Variants in FASTKD3 observed in about 807,000 individuals in gnomAD.
FASTKD3 encodes FAST kinase domains 3, also known as FAST kinase domain-containing protein 3, mitochondrial.
In FASTKD3, 47 loss-of-function variants were observed where a neutral mutation model predicts 49.7. That is an observed-to-expected ratio of 0.95 (90% CI 0.75 to 1.21). The LOEUF (loss-of-function observed/expected upper bound fraction) is 1.21, where lower values mean the gene tolerates loss of function less well. Ranked by LOEUF, FASTKD3 falls within the 50% of genes most tolerant of loss-of-function variation. The pLI is 0.00. For missense variants in FASTKD3, 748 were observed against 765.7 expected, an observed-to-expected ratio of 0.98 and a Z score of 0.27; for synonymous variants, 284 against 288.6, an observed-to-expected ratio of 0.98 and a Z score of 0.16.
chr5:7,866,579 T>G, intron 2 of FASTKD3, 67 bp downstream of exon 2: 1 of 1,207,370 alleles, frequency 8.3e-7, no homozygotes, highest in Non-Finnish European at 1.2e-6. Context: ...CCTTTATATG[T>G]GACTTGAAAC....
At position 7,867,295 on chromosome 5, in the gene FASTKD3, C is replaced by T. The variant is rs1220964614; in HGVS notation, c.789G>A (p.Leu263=). 2 of 1,613,700 alleles carry T rather than the reference C, an allele frequency of 1.2e-6. No individual in the cohort carries two copies. The highest frequency in any genetic ancestry group is 3.3e-5 in the Admixed American group (2 of 60,024). ...PEDIVALYRI[L]QACTEKVDEH... ...CATCCACTTTTTCAGTACATGCCTG[C>T]AAGATTCTATAAAGGGCCACAATAT... The change falls in exon 2 of 7, where the codon TTG becomes TTA. Residue 263 remains leucine (L), a synonymous_variant. Transcript: ENST00000264669.
chr5:7,861,889 G>T, intron 4 of FASTKD3: 1 of 675,874 alleles, frequency 1.5e-6, no homozygotes, highest in Non-Finnish European at 2.1e-6. Context: ...CACAGAATGG[G>T]TTCTGAAGTT....
intron 4 of FASTKD3, among the ~76,000 whole-genome samples, chr5:7,862,433 C>A (rs1269931937): frequency 6.6e-6 from 1 of 152,088 alleles, no homozygotes; most frequent in Non-Finnish European, 1.5e-5. Context: ...GCCACATGGT[C>A]TAGTGGCTAC....
intron 4 of FASTKD3, chr5:7,861,878 C>A: frequency 1.2e-6 from 1 of 827,798 alleles, no homozygotes; most frequent in Non-Finnish European, 1.7e-6. Flanking sequence ...TAACGCTAAA[C>A]CACAGAATGG....
At position 7,867,283 on chromosome 5, in the gene FASTKD3, A is replaced by G. The variant is rs1293947526; in HGVS notation, c.801T>C (p.Thr267=). The change falls in exon 2 of 7, where the codon ACT becomes ACC. Residue 267 remains threonine (T), a synonymous_variant. Coordinates refer to ENST00000264669, the MANE Select transcript of FASTKD3 (RefSeq NM_024091.4). Reference sequence around the variant, plus strand: ...ATGTTTGGTGTTCATCCACTTTTTCAGTACATGCCTGCAAGATTCTATAAA... The same window carrying G: ...ATGTTTGGTGTTCATCCACTTTTTCGGTACATGCCTGCAAGATTCTATAAA... ...VALYRILQAC[T]EKVDEHQTFL... is the part of the protein sequence containing the mutation. 2 of 1,613,642 alleles carry G rather than the reference A, an allele frequency of 1.2e-6. No homozygotes were observed. The highest frequency in any genetic ancestry group is 3.3e-5 in the Admixed American group (2 of 60,010).
Position 7,867,101 on chromosome 5 carries a change from T to C in FASTKD3, c.983A>G (p.His328Arg). The C allele has an allele frequency of 6.2e-7, 1 of 1,614,150 alleles. No individual in the cohort carries two copies. The highest frequency in any genetic ancestry group is 2.2e-5 in the East Asian group (1 of 44,888). Residue 328 changes from histidine to arginine, a missense_variant, in exon 2 of 7, where the codon CAT becomes CGT. Physicochemically the swap from His to Arg is conservative, Grantham distance 29. Around this residue, in one of 3 missense-constraint regions of FASTKD3, gnomAD observed 564 missense variants for 562.8 expected, o/e 1.00. Transcript: ENST00000264669. ...LGKYVVRHVP[H>R]FTNEELRRVL... is the part of the protein sequence containing the mutation. ...TCTCCTAAGCTCCTCGTTAGTGAAA[T>C]GTGGGACATGCCTCACGACATATTT...
At chr5:7,863,419 C>G (rs567987948) in intron 3 of FASTKD3, 1 of 161,058 alleles carries the variant, frequency 6.2e-6, no homozygotes, top group Non-Finnish European at 1.3e-5. Flanking sequence ...ATCCAAAATC[C>G]AAAATGCTCC....
intron 3 of FASTKD3, among the ~76,000 whole-genome samples, chr5:7,864,403 G>C (rs148686283): frequency 1.3e-5 from 2 of 151,924 alleles, no homozygotes; most frequent in Non-Finnish European, 2.9e-5. Flanking sequence ...TCTTGAGATA[G>C]GAACCTCGGA....
Position 7,867,023 on chromosome 5 carries a change from G to A in FASTKD3, c.1061C>T (p.Ala354Val). 1.2e-6 allele frequency: 2 copies of A among 1,614,150 alleles called. No homozygotes were observed. Among genetic ancestry groups the A allele is most frequent in the Non-Finnish European group, 1.7e-6 (2 of 1,180,032 alleles). The part of the protein sequence containing the change: ...FGHHDTFFTK[A>V]LEHRVAAVCL... Reference sequence around the variant, plus strand: ...CACCGCAGCTACACGATGCTCTAGGGCTTTTGTAAAAAATGTGTCATGGTG... The same window carrying A: ...CACCGCAGCTACACGATGCTCTAGGACTTTTGTAAAAAATGTGTCATGGTG... The change falls in exon 2 of 7, where the codon GCC becomes GTC. Residue 354 changes from alanine (A) to valine (V), a missense_variant. By Grantham distance (64) the Ala-to-Val change is moderately conservative. Transcript: ENST00000264669.
Position 7,868,143 on chromosome 5 carries a change from C to A in FASTKD3, c.-60G>T. 1.1e-6 allele frequency: 1 copy of A among 902,402 alleles called. No individual in the cohort carries two copies. Among genetic ancestry groups the A allele is most frequent in the Non-Finnish European group, 1.5e-6 (1 of 649,136 alleles). The allele number at this position is 902,402 out of a possible 1,614,324, so 55.9% of individuals were successfully genotyped here. ...AAATTTAAAAACACATGGTTAAATACATTGAGAACATGATTGACCCAACAT... is the reference window on the plus strand; with the variant it reads ...AAATTTAAAAACACATGGTTAAATAAATTGAGAACATGATTGACCCAACAT... On this transcript the variant is annotated 5_prime_UTR_variant, in exon 2 of 7. It removes an upstream start codon present in the reference 5' UTR. Coordinates refer to ENST00000264669, the MANE Select transcript of FASTKD3 (RefSeq NM_024091.4).
At position 7,862,866 on chromosome 5, in the gene FASTKD3, T is replaced by C. The variant is rs1233050520; in HGVS notation, c.1656A>G (p.Leu552=). Residue 552 remains leucine (L), a synonymous_variant, in exon 4 of 7, where the codon TTA becomes TTG. Transcript: ENST00000264669. The part of the protein sequence containing the change: ...IGLTNLLGAR[L]YFAPKVLTPY... ...GTGTCAACACTTTTGGAGCAAAATATAATCTTGCTCCTAAAAGGTTAGTCA... is the reference window on the plus strand; with the variant it reads ...GTGTCAACACTTTTGGAGCAAAATACAATCTTGCTCCTAAAAGGTTAGTCA... The C allele has an allele frequency of 3.1e-6, 5 of 1,613,916 alleles. No individual in the cohort carries two copies. The highest frequency in any genetic ancestry group is 4.2e-6 in the Non-Finnish European group (5 of 1,179,858).
chr5:7,868,395 T>C (rs1426312865), intron 1 of FASTKD3, among the ~76,000 whole-genome samples, 199 bp from the exon 2 acceptor site: 1 of 152,160 alleles, frequency 6.6e-6, no homozygotes, highest in Non-Finnish European at 1.5e-5. Context: ...AGGAAGAAGT[T>C]GAAGCACAAA....
chr5:7,863,763 A>C (rs879837306), intron 3 of FASTKD3, among the ~76,000 whole-genome samples: 3 of 152,224 alleles, frequency 2.0e-5, no homozygotes, highest in Non-Finnish European at 2.9e-5. Context: ...AATAAATTCC[A>C]GGTGTACAAC....
In FASTKD3 at chr5:7,868,008, T is replaced by G; in HGVS notation, c.76A>C (p.Lys26Gln). 6.2e-7 allele frequency: 1 copy of G among 1,614,060 alleles called. No homozygotes were observed. Residue 26 changes from lysine to glutamine, a missense_variant, in exon 2 of 7, where the codon AAA becomes CAA. Lys to Gln is a moderately conservative substitution (Grantham distance 53, BLOSUM62 1). This residue lies in a region of FASTKD3 where 564 missense variants were observed against 562.8 expected (regional missense o/e 1.00). Coordinates refer to ENST00000264669, the MANE Select transcript of FASTKD3 (RefSeq NM_024091.4). The part of the protein sequence containing the change: ...FQMHRALAAL[K>Q]NKPLNHVHKV... ...TGAACATGATTTAGAGGTTTATTTT[T>G]TAAAGCAGCCAGAGCTCTATGCATC... is the stretch of plus-strand genomic sequence containing the variant.
Position 7,867,386 on chromosome 5 carries a change from C to T in FASTKD3, c.698G>A (p.Cys233Tyr). ...ESLITLHSSG[C>Y]VTLELIINQL... ...ATTTATAATGAGTTCTAGTGTCACA[C>T]AACCTGAACTGTGCAGTGTAATCAG... is the stretch of plus-strand genomic sequence containing the variant. The change falls in exon 2 of 7, where the codon TGT becomes TAT. Residue 233 changes from cysteine to tyrosine, a missense_variant. Around this residue, in one of 3 missense-constraint regions of FASTKD3, gnomAD observed 564 missense variants for 562.8 expected, o/e 1.00. Coordinates refer to ENST00000264669, the MANE Select transcript of FASTKD3 (RefSeq NM_024091.4). 6.2e-7 allele frequency: 1 copy of T among 1,614,198 alleles called. No individual in the cohort carries two copies. The highest frequency in any genetic ancestry group is 8.5e-7 in the Non-Finnish European group (1 of 1,180,036).
In FASTKD3 at chr5:7,867,381, T is replaced by A. The variant is rs1438743022; in HGVS notation, c.703A>T (p.Thr235Ser). 2 of 1,614,208 alleles carry A rather than the reference T, an allele frequency of 1.2e-6. No homozygotes were observed. Among genetic ancestry groups the A allele is most frequent in the South Asian group, 2.2e-5 (2 of 91,084 alleles). Residue 235 changes from threonine to serine, a missense_variant, in exon 2 of 7, where the codon ACA becomes TCA. Thr to Ser is a moderately conservative substitution (Grantham distance 58, BLOSUM62 1). Transcript: ENST00000264669. Reference protein sequence around the residue: ...LITLHSSGCVTLELIINQLQG... With the variant: ...LITLHSSGCVSLELIINQLQG... ...AGTTGATTTATAATGAGTTCTAGTG[T>A]CACACAACCTGAACTGTGCAGTGTA...
chr5:7,866,919 G>A lies in FASTKD3; in HGVS notation c.1165C>T (p.Leu389Phe). The A allele has an allele frequency of 3.7e-6, 6 of 1,614,150 alleles. No homozygotes were observed. The South Asian group carries it at 4.4e-5, about 12-fold the overall frequency. ...SRELILSKPI[L>F]NAVAETFVCQ... ...ACAAAAGTTTCTGCCACTGCATTGA[G>A]GATGGGTTTTGAAAGAATCAGTTCT... The change falls in exon 2 of 7, where the codon CTC (leucine) becomes TTC (phenylalanine). Residue 389 changes from leucine (L) to phenylalanine (F), a missense_variant. Around this residue, in one of 3 missense-constraint regions of FASTKD3, gnomAD observed 564 missense variants for 562.8 expected, o/e 1.00. Transcript: ENST00000264669.
At chr5:7,866,070 C>T (rs1746925636) in intron 2 of FASTKD3, 87 bp from the exon 3 acceptor site, 2 of 955,762 alleles carry the variant, frequency 2.1e-6, no homozygotes, top group East Asian at 2.4e-5. Flanking sequence ...TCAATTTACA[C>T]ACTCCAGACA....
At position 7,867,831 on chromosome 5, in the gene FASTKD3, A is replaced by T; in HGVS notation, c.253T>A (p.Ser85Thr). The change falls in exon 2 of 7, where the codon TCT (serine) becomes ACT (threonine). Residue 85 changes from serine to threonine, a missense_variant. By Grantham distance (58) the Ser-to-Thr change is moderately conservative. Coordinates refer to ENST00000264669, the MANE Select transcript of FASTKD3 (RefSeq NM_024091.4). ...PLGGPVFSQVSDCDRLEQNVK... is the reference protein window; with the variant it reads ...PLGGPVFSQVTDCDRLEQNVK... ...TTTTGTTCAAGCCTGTCGCAGTCAG[A>T]TACTTGAGAGAACACTGGTCCACCG... is the stretch of plus-strand genomic sequence containing the variant. 2 of 1,614,198 alleles carry T rather than the reference A, an allele frequency of 1.2e-6. No individual in the cohort carries two copies. The highest frequency in any genetic ancestry group is 2.2e-5 in the South Asian group (2 of 91,080).
Sources: allele counts gnomAD v4.1 joint callset (sites outside exome capture counted in the v4.1 genomes callset), GRCh38; gene constraint gnomAD v4.1.1; regional missense constraint gnomAD v4.1.1; transcripts MANE v1.5; gene names NCBI Gene and HGNC (gene_info 2026-07-23, HGNC 2026-07-21).